The following METTL16 variants were observed in gnomAD, a reference collection of about 807,000 sequenced individuals.
METTL16 encodes the protein RNA N(6)-adenosine-methyltransferase METTL16.
A neutral mutation model predicts 57.9 loss-of-function variants in METTL16; 19 were observed. The ratio of observed to expected loss-of-function variants is 0.33; its 90% CI spans 0.23 to 0.48. The LOEUF (loss-of-function observed/expected upper bound fraction) is 0.48. Ranked by LOEUF, METTL16 falls within the 20% of genes least tolerant of loss-of-function variation. The pLI, the probability that METTL16 is intolerant of heterozygous loss-of-function variation, is 0.99. For synonymous variants in METTL16, 246 were observed against 255.6 expected, an observed-to-expected ratio of 0.96 and a Z score of 0.36; for missense variants, 434 against 691.5, an observed-to-expected ratio of 0.63 and a Z score of 4.18.
intron 6 of METTL16, among the ~76,000 whole-genome samples, chr17:2,450,242 G>C (rs1385161678): frequency 1.3e-5 from 2 of 152,176 alleles, no homozygotes; most frequent in Non-Finnish European, 2.9e-5. Context: ...CTGGCAAATG[G>C]ATGAACGAAC....
rs57079935 is a variant in METTL16 at position 2,479,850 on chromosome 17, G to A, written c.129-1965C>T. On this transcript the variant is annotated intron_variant, in intron 2 of 9. Transcript: ENST00000263092. ...GCTCTGCAATCAATTTGCCATGGAC[G>A]TAAGTCACTTCAGTTCTTAGGTCTC... 9.2e-3 allele frequency among the ~76,000 whole-genome samples: 1,405 copies of A among 152,190 alleles called. 25 individuals are homozygous for A. Among genetic ancestry groups the A allele is most frequent in the African/African-American group, 0.032 (1,347 of 41,512 alleles).
Position 2,469,270 on chromosome 17 carries a change from AG to A in METTL16, c.470-1395del, listed in dbSNP as rs1182167244. ...AAAAAATAAAAATAAATAAATAAAT[AG>A]GCTCCTAGATTTTGGAATAATTTGT... On this transcript the variant is annotated intron_variant, in intron 4 of 9. Transcript: ENST00000263092. Among the ~76,000 whole-genome samples, 13 of 152,176 alleles carry A rather than the reference AG, an allele frequency of 8.5e-5. No individual in the cohort carries two copies. In the South Asian group the frequency reaches 2.7e-3, roughly 32 times the overall value.
rs745506067 is a variant in METTL16 at position 2,467,745 on chromosome 17, G to A, written c.585+16C>T. On this transcript the variant is annotated intron_variant, in intron 5 of 9. Coordinates refer to ENST00000263092, the MANE Select transcript of METTL16 (RefSeq NM_024086.4). ...CCAGCCTATATTCAATTATTTTAAA[G>A]CAGAAGACATTTTACCTTGGCTTCC... 3 of 1,592,216 alleles carry A rather than the reference G, an allele frequency of 1.9e-6. No homozygotes were observed. Among genetic ancestry groups the A allele is most frequent in the African/African-American group, 1.3e-5 (1 of 74,480 alleles).
intron 6 of METTL16, among the ~76,000 whole-genome samples, chr17:2,463,166 G>A (rs1353844718): frequency 6.6e-6 from 1 of 152,110 alleles, no homozygotes; most frequent in Non-Finnish European, 1.5e-5. Flanking sequence ...TCTGTCACTG[G>A]GAGACTGATT....
chr17:2,439,849 A>T (rs1368601779), intron 7 of METTL16, among the ~76,000 whole-genome samples: 1 of 152,200 alleles, frequency 6.6e-6, no homozygotes, highest in Non-Finnish European at 1.5e-5. Context: ...AAACATATTT[A>T]GAGTTTTAGA....
Position 2,416,166 on chromosome 17 carries a change from C to T in METTL16, c.*3804G>A, listed in dbSNP as rs1217708334. On this transcript the variant is annotated 3_prime_UTR_variant, in exon 10 of 10. Coordinates refer to ENST00000263092, the MANE Select transcript of METTL16 (RefSeq NM_024086.4). ...ATTTCAAGAAAACACCGTGGACAGA[C>T]TTGTCTCCATTCCCACGGGGAAGTG... 2 of 152,150 alleles carry T rather than the reference C, an allele frequency of 1.3e-5. No individual in the cohort carries two copies. Among genetic ancestry groups the T allele is most frequent in the Middle Eastern group, 3.2e-3 (1 of 316 alleles). 9.4% of individuals were successfully genotyped at this position (152,150 alleles called of 1,614,324 possible).
intron 2 of METTL16, among the ~76,000 whole-genome samples, chr17:2,495,694 C>T (rs1354502683): frequency 8.7e-6 from 1 of 114,780 alleles, no homozygotes; most frequent in Non-Finnish European, 1.8e-5. Context: ...GACTCTGTCT[C>T]AAAAAAAAAA....
intron 2 of METTL16, among the ~76,000 whole-genome samples, chr17:2,483,376 C>A (rs1227128724): frequency 3.3e-5 from 5 of 152,172 alleles, no homozygotes; most frequent in Non-Finnish European, 7.3e-5. Flanking sequence ...AAGTGACTGA[C>A]TCCATTTCTG....
At chr17:2,432,811 T>A (rs2066882729) in intron 8 of METTL16, among the ~76,000 whole-genome samples, 1 of 152,176 alleles carries the variant, frequency 6.6e-6, no homozygotes. Context: ...TTACTGAGCA[T>A]TACTACATAC....
chr17:2,481,397 C>T (rs1366701884), intron 2 of METTL16, among the ~76,000 whole-genome samples: 2 of 151,924 alleles, frequency 1.3e-5, no homozygotes, highest in Non-Finnish European at 2.9e-5. Flanking sequence ...GTTAATACCC[C>T]TAATTATGAA....
chr17:2,468,849 C>T (rs955016184), intron 4 of METTL16, among the ~76,000 whole-genome samples: 12 of 151,942 alleles, frequency 7.9e-5, no homozygotes, highest in African/African-American at 1.5e-4. Flanking sequence ...GATCACGCCA[C>T]GGCACACCGG....
At chr17:2,468,355 T>C (rs1014087702) in intron 4 of METTL16, among the ~76,000 whole-genome samples, 1 of 152,178 alleles carries the variant, frequency 6.6e-6, no homozygotes, top group African/African-American at 2.4e-5. Context: ...AATAGCTTCA[T>C]GGAGAGATCC....
intron 2 of METTL16, among the ~76,000 whole-genome samples, chr17:2,480,999 T>A (rs937183556): frequency 2.0e-5 from 3 of 152,088 alleles, no homozygotes; most frequent in Non-Finnish European, 2.9e-5. Context: ...GGTCAGGAGT[T>A]CAAGACCAGC....
intron 2 of METTL16, among the ~76,000 whole-genome samples, chr17:2,499,677 T>C (rs994541716): frequency 1.3e-5 from 2 of 152,226 alleles, no homozygotes; most frequent in Admixed American, 6.5e-5. Context: ...TTAATTTCTA[T>C]TTTGAAATAT....
intron 5 of METTL16, among the ~76,000 whole-genome samples, chr17:2,466,193 C>CA (rs35300433): frequency 0.034 from 3,518 of 103,610 alleles, 72 homozygotes; most frequent in East Asian, 0.057. Flanking sequence ...GACTCTGTCA[C>CA]AAAAAAAAAA....
chr17:2,490,155 C>T (rs982900364), intron 2 of METTL16, among the ~76,000 whole-genome samples: 1 of 152,150 alleles, frequency 6.6e-6, no homozygotes, highest in Non-Finnish European at 1.5e-5. Flanking sequence ...TCGATATGCA[C>T]GCAGGTGGGT....
chr17:2,467,664 G>T, intron 5 of METTL16, 97 bp downstream of exon 5: 2 of 825,258 alleles, frequency 2.4e-6, no homozygotes, highest in South Asian at 2.9e-5. Flanking sequence ...CTGACTTCAT[G>T]ATTCACCCGC....
chr17:2,481,374 C>A (rs114181762), intron 2 of METTL16, among the ~76,000 whole-genome samples: 1 of 151,948 alleles, frequency 6.6e-6, no homozygotes, highest in Non-Finnish European at 1.5e-5. Flanking sequence ...ACCCCCTTAA[C>A]GAAGTGACCA....
intron 1 of METTL16, among the ~76,000 whole-genome samples, chr17:2,507,197 G>A (rs1321225288): frequency 1.3e-5 from 2 of 148,470 alleles, no homozygotes; most frequent in African/African-American, 5.0e-5. Context: ...CCGGGAAGGA[G>A]GTGAGGGGGT....
Sources: gnomAD v4.1 joint callset for allele counts (sites outside exome capture counted in the v4.1 genomes callset) on GRCh38, gnomAD v4.1.1 for gene constraint, MANE v1.5 for transcripts, NCBI Gene and HGNC (gene_info 2026-07-23, HGNC 2026-07-21) for gene names.